The following ZZEF1 variants were observed in gnomAD, a reference collection of about 807,000 sequenced individuals.
ZZEF1 encodes zinc finger ZZ-type and EF-hand domain-containing protein 1.
In ZZEF1, 157 loss-of-function variants were observed where a neutral mutation model predicts 342.8. The observed-to-expected ratio is 0.46, with a 90% confidence interval of 0.40 to 0.52. ZZEF1 has a LOEUF of 0.52. Among genes scored for constraint, ZZEF1 ranks in the 20% least tolerant of loss-of-function variants. The pLI is 0.00. For synonymous variants in ZZEF1, 1,505 were observed against 1,429.1 expected (o/e 1.05, Z -1.20); for missense variants, 3,480 against 3,725.6 (o/e 0.93, Z 1.72).
At chr17:4,047,972 C>T (rs1393904398) in intron 37 of ZZEF1, among the ~76,000 whole-genome samples, 1 of 151,850 alleles carries the variant, frequency 6.6e-6, no homozygotes, top group Non-Finnish European at 1.5e-5. Context: ...AGATTTTTAT[C>T]CATTGAATTA....
rs71144168 is a variant in ZZEF1, at chr17:4,128,458, GTT to G, written c.355-4409_355-4408del. Among the ~76,000 whole-genome samples, 263 of 143,904 alleles carry G rather than the reference GTT, an allele frequency of 1.8e-3. 3 individuals are homozygous for G. The highest frequency in any genetic ancestry group is 6.6e-3 in the African/African-American group (259 of 39,304). 94.4% of individuals were successfully genotyped at this position (143,904 alleles called of 152,430 possible). ...TTCAGAGAAATATTTTTCTAAAGTT[GTT>G]TTTTTTTTTTTAAATTTGACACAGA... On this transcript the variant is annotated intron_variant, in intron 1 of 54. Transcript: ENST00000381638.
intron 16 of ZZEF1, among the ~76,000 whole-genome samples, chr17:4,082,732 A>C (rs376193343): frequency 6.6e-6 from 1 of 152,202 alleles, no homozygotes; most frequent in African/African-American, 2.4e-5. Flanking sequence ...GCCAAAGTCA[A>C]CAGAAGGTTC....
chr17:4,049,926 A>G lies in ZZEF1; in HGVS notation c.5864-67T>C, dbSNP rs1012874577. 13 of 1,562,258 alleles carry G rather than the reference A, an allele frequency of 8.3e-6. No individual in the cohort carries two copies. The African/African-American group carries it at 9.7e-5, about 12-fold the overall frequency. On this transcript the variant is annotated intron_variant, in intron 36 of 54. Coordinates refer to ENST00000381638, the MANE Select transcript of ZZEF1 (RefSeq NM_015113.4). ...ATGAGAGTTCTTTTCAGCAAGTGCC[A>G]TAAGTTACTTTGCCATTATATAGAA...
chr17:4,120,655 A>C (rs992848398), intron 2 of ZZEF1, among the ~76,000 whole-genome samples: 1 of 152,088 alleles, frequency 6.6e-6, no homozygotes, highest in African/African-American at 2.4e-5. Context: ...TATGTGAGAA[A>C]ACAGATTTGG....
rs762115302 is a variant in ZZEF1, at chr17:4,009,552, G to A, written c.8733+52C>T. On this transcript the variant is annotated intron_variant, in intron 53 of 54. Transcript: ENST00000381638. ...CAGCTTCTGCCCTGGGTAGCAGAGG[G>A]AGCAAACGCACATGGAGGCACCGGG... is the stretch of plus-strand genomic sequence containing the variant. 21 of 1,607,970 alleles carry A rather than the reference G, an allele frequency of 1.3e-5. No homozygotes were observed. The Admixed American group carries it at 3.5e-4, about 27-fold the overall frequency.
intron 1 of ZZEF1, among the ~76,000 whole-genome samples, chr17:4,134,202 T>C (rs1244172566): frequency 2.0e-5 from 3 of 151,404 alleles, no homozygotes; most frequent in African/African-American, 7.3e-5. Context: ...AATGTTCAGG[T>C]TTGCTACCCA....
intron 33 of ZZEF1, among the ~76,000 whole-genome samples, chr17:4,055,387 G>A (rs190919967): frequency 6.6e-6 from 1 of 152,334 alleles, no homozygotes; most frequent in East Asian, 1.9e-4. Flanking sequence ...TGAATCTGAG[G>A]CAGCAGATGC....
intron 15 of ZZEF1, 66 bp from the exon 16 acceptor site, chr17:4,085,869 A>G: frequency 4.4e-6 from 7 of 1,582,868 alleles, no homozygotes; most frequent in East Asian, 4.5e-5. Context: ...ATCTGCTATA[A>G]CTAGCCTATA....
At position 4,128,021 on chromosome 17, in the gene ZZEF1, G is replaced by A. The variant is rs115324690; in HGVS notation, c.355-3970C>T. Among the ~76,000 whole-genome samples, 717 of 152,176 alleles carry A rather than the reference G, an allele frequency of 4.7e-3. 4 individuals carry two copies. Among genetic ancestry groups the A allele is most frequent in the African/African-American group, 0.016 (678 of 41,518 alleles). ...GACAGCCCAGGCCACCGGGACATTT[G>A]AGTAAAGCCTTAACATAAAACTCAG... is the stretch of plus-strand genomic sequence containing the variant. On this transcript the variant is annotated intron_variant, in intron 1 of 54. Transcript: ENST00000381638.
chr17:4,064,464 G>A lies in ZZEF1; in HGVS notation c.4615C>T (p.Arg1539Ter). 2.5e-6 allele frequency: 4 copies of A among 1,614,154 alleles called. No individual in the cohort carries two copies. The highest frequency in any genetic ancestry group is 3.4e-6 in the Non-Finnish European group (4 of 1,180,038). Residue 1539 changes from arginine (R) to a stop codon, truncating the protein, a stop_gained, in exon 29 of 55, where the codon CGA becomes TGA. Coordinates refer to ENST00000381638, the MANE Select transcript of ZZEF1 (RefSeq NM_015113.4). LOFTEE classifies it high-confidence loss of function. The part of the protein sequence containing the change: ...TRGRLRLLSF[R>*]SMEEARLVPT... ...ACCAGTCTGGCCTCCTCCATGGATCGAAAGGAGAGCAGCCGGAGTCGCCCT... is the reference window on the plus strand; with the variant it reads ...ACCAGTCTGGCCTCCTCCATGGATCAAAAGGAGAGCAGCCGGAGTCGCCCT...
chr17:4,109,796 A>C lies in ZZEF1; in HGVS notation c.1134T>G (p.Ala378=), dbSNP rs751301662. 1 of 1,614,244 alleles carries C rather than the reference A, an allele frequency of 6.2e-7. No individual in the cohort carries two copies. The highest frequency in any genetic ancestry group is 8.5e-7 in the Non-Finnish European group (1 of 1,180,040). Residue 378 remains alanine (A), a synonymous_variant, in exon 6 of 55, where the codon GCT becomes GCG. Transcript: ENST00000381638. ...ACTTCTTAACTCTCTGAAAGCCAAC[A>C]GCCCTGAGACCATGAATTCTAGTGT... ...GCDTRIHGLR[A]VGFQRVKKSG... is the part of the protein sequence containing the mutation.
chr17:4,079,780 G>A (rs1226515747), intron 18 of ZZEF1, among the ~76,000 whole-genome samples: 3 of 152,180 alleles, frequency 2.0e-5, no homozygotes, highest in Non-Finnish European at 2.9e-5. Flanking sequence ...TATCATGCCA[G>A]GCAGCTGGGA....
chr17:4,037,711 G>A (rs930188113), intron 39 of ZZEF1, among the ~76,000 whole-genome samples: 5 of 152,150 alleles, frequency 3.3e-5, no homozygotes, highest in African/African-American at 1.2e-4. Flanking sequence ...AGCCTCCCAA[G>A]TAGCTGAGAC....
intron 6 of ZZEF1, among the ~76,000 whole-genome samples, chr17:4,106,939 C>T (rs1462243201): frequency 6.6e-6 from 1 of 152,172 alleles, no homozygotes; most frequent in Non-Finnish European, 1.5e-5. Context: ...AAAGCAAACA[C>T]TGTCAGCTCG....
At chr17:4,054,253 C>T in intron 33 of ZZEF1, 58 bp from the exon 34 acceptor site, 1 of 1,556,306 alleles carries the variant, frequency 6.4e-7, no homozygotes, top group Non-Finnish European at 8.8e-7. Context: ...CCACAATTCA[C>T]TAATCAATTC....
rs2056108876 is a variant in ZZEF1, at chr17:4,016,616, C to T, written c.8002-150G>A. The T allele has an allele frequency of 2.6e-6, 2 of 762,536 alleles. No individual in the cohort carries two copies. Among genetic ancestry groups the T allele is most frequent in the South Asian group, 1.9e-5 (1 of 51,936 alleles). 47.2% of individuals were successfully genotyped at this position (762,536 alleles called of 1,614,324 possible). Reference sequence around the variant, plus strand: ...TGACTCCACCACCCAAAACCAACTCCACCAGCCACCTCTCACTTGACCAGG... The same window carrying T: ...TGACTCCACCACCCAAAACCAACTCTACCAGCCACCTCTCACTTGACCAGG... On this transcript the variant is annotated intron_variant, in intron 48 of 54. Transcript: ENST00000381638. This position sits in a 1 kb window ranked among gnomAD's most constrained non-coding sequence, Gnocchi z 4.4.
chr17:4,123,091 T>C (rs2058510847), intron 2 of ZZEF1, among the ~76,000 whole-genome samples: 1 of 151,408 alleles, frequency 6.6e-6, no homozygotes, highest in African/African-American at 2.4e-5. Context: ...GGATAATTTT[T>C]TTGTATTTTC....
chr17:4,070,863 G>C lies in ZZEF1; in HGVS notation c.3896C>G (p.Pro1299Arg), dbSNP rs140876192. The change falls in exon 26 of 55, where the codon CCT becomes CGT. Residue 1299 changes from proline to arginine, a missense_variant. This residue lies in a region of ZZEF1 where 1,528 missense variants were observed against 1,624.1 expected (regional missense o/e 0.94). Coordinates refer to ENST00000381638, the MANE Select transcript of ZZEF1 (RefSeq NM_015113.4). ...ATATGGCCCACAGAAGTTCTGAGCA[G>C]GCTCTGACTGGGCAAAATCAAGAAG... is the stretch of plus-strand genomic sequence containing the variant. ...HFLLDFAQSE[P>R]AQNFCGPYSE... 15 of 1,614,130 alleles carry C rather than the reference G, an allele frequency of 9.3e-6. No homozygotes were observed. The highest frequency in any genetic ancestry group is 1.3e-5 in the Non-Finnish European group (15 of 1,180,018).
At chr17:4,098,036 G>C (rs541758104) in intron 9 of ZZEF1, among the ~76,000 whole-genome samples, 18 of 151,780 alleles carry the variant, frequency 1.2e-4, no homozygotes, top group African/African-American at 4.4e-4. Context: ...TCAGGAGTTC[G>C]AGACGAGCCT....
Sources: allele counts gnomAD v4.1 joint callset (sites outside exome capture counted in the v4.1 genomes callset), GRCh38; gene constraint gnomAD v4.1.1; regional missense constraint gnomAD v4.1.1; non-coding constraint Gnocchi (gnomAD v3.1); transcripts MANE v1.5; gene names NCBI Gene and HGNC (gene_info 2026-07-23, HGNC 2026-07-21).